Variants in NRROS observed in about 807,000 individuals in gnomAD.
NRROS encodes negative regulator of reactive oxygen species, also known as transforming growth factor beta activator LRRC33.
In NRROS, 6 loss-of-function variants were observed where a neutral mutation model predicts 12.0. The observed-to-expected ratio is 0.50, with a 90% CI of 0.27 to 0.98. The LOEUF is 0.98. Among genes scored for constraint, NRROS ranks in the 50% least tolerant of loss-of-function variants. The pLI is 0.11. For missense variants in NRROS, 857 were observed against 888.2 expected, an observed-to-expected ratio of 0.96 and a Z score of 0.45; for synonymous variants, 462 against 410.2, an observed-to-expected ratio of 1.13 and a Z score of -1.53.
intron 1 of NRROS, among the ~76,000 whole-genome samples, chr3:196,650,134 A>G (rs964426707): frequency 2.0e-5 from 3 of 152,022 alleles, no homozygotes; most frequent in African/African-American, 7.2e-5. Context: ...CAAAATTCAG[A>G]TCTGAGCTAC....
intron 2 of NRROS, among the ~76,000 whole-genome samples, chr3:196,659,440 T>A (rs990340127): frequency 1.3e-5 from 2 of 151,780 alleles, no homozygotes; most frequent in Non-Finnish European, 2.9e-5. Context: ...CCGGAGTAGC[T>A]GGGATTACAG....
chr3:196,655,637 C>T (rs557231172), intron 2 of NRROS, among the ~76,000 whole-genome samples: 8 of 152,294 alleles, frequency 5.3e-5, no homozygotes, highest in South Asian at 2.1e-4. Context: ...AAGCCTGCCT[C>T]GGAGTTTGTG....
intron 1 of NRROS, among the ~76,000 whole-genome samples, chr3:196,649,352 C>T (rs1387603808): frequency 6.6e-6 from 1 of 152,214 alleles, no homozygotes; most frequent in African/African-American, 2.4e-5. Context: ...TTGTGGAGGC[C>T]TCCATCCGGC....
At chr3:196,652,705 G>A (rs552749219) in intron 1 of NRROS, among the ~76,000 whole-genome samples, 1 of 152,276 alleles carries the variant, frequency 6.6e-6, no homozygotes, top group South Asian at 2.1e-4. Context: ...GTGACACAAG[G>A]CCTGGCTTGC....
rs765330021 is a variant in NRROS at position 196,660,899 on chromosome 3, C to T, written c.1256C>T (p.Pro419Leu). ...LSSNQLLGVPPGLFANARNIT... is the reference protein window; with the variant it reads ...LSSNQLLGVPLGLFANARNIT... The stretch of plus-strand genomic sequence containing the variant: ...TCCAACCAGCTCCTGGGCGTCCCCC[C>T]TGGCCTCTTCGCCAATGCTAGGAAC... The change falls in exon 3 of 3, where the codon CCT (proline) becomes CTT (leucine). Residue 419 changes from proline to leucine, a missense_variant. Coordinates refer to ENST00000328557, the MANE Select transcript of NRROS (RefSeq NM_198565.3). The surrounding 1 kb of genome is among the most constrained non-coding windows in gnomAD (Gnocchi z 7.7). 3.1e-6 allele frequency: 5 copies of T among 1,614,172 alleles called. No individual in the cohort carries two copies. The highest frequency in any genetic ancestry group is 3.4e-6 in the Non-Finnish European group (4 of 1,180,046).
intron 2 of NRROS, among the ~76,000 whole-genome samples, chr3:196,657,394 C>G (rs538267144): frequency 1.3e-4 from 20 of 152,018 alleles, no homozygotes; most frequent in Admixed American, 7.2e-4. Context: ...AGTGAGTCCA[C>G]ACGCAGGGAG....
chr3:196,648,483 C>T (rs187169080), intron 1 of NRROS, among the ~76,000 whole-genome samples: 1 of 152,094 alleles, frequency 6.6e-6, no homozygotes, highest in East Asian at 1.9e-4. Context: ...AATCCAACAT[C>T]CGGCCAAGCT....
chr3:196,654,012 C>A lies in NRROS; in HGVS notation c.-13-515C>A, dbSNP rs973639279. Among the ~76,000 whole-genome samples the A allele has an allele frequency of 6.6e-6, 1 of 152,140 alleles. No homozygotes were observed. The highest frequency in any genetic ancestry group is 2.4e-5 in the African/African-American group (1 of 41,424). Reference sequence around the variant, plus strand: ...CAAATGAGTGAACCAAAGAGATCAACGCTTTTGTAACAGCCCCACATCAGC... The same window carrying A: ...CAAATGAGTGAACCAAAGAGATCAAAGCTTTTGTAACAGCCCCACATCAGC... On this transcript the variant is annotated intron_variant, in intron 1 of 2. Coordinates refer to ENST00000328557, the MANE Select transcript of NRROS (RefSeq NM_198565.3). The surrounding 1 kb of genome is among the most constrained non-coding windows in gnomAD (Gnocchi z 4.4).
At chr3:196,658,351 C>T (rs572521523) in intron 2 of NRROS, among the ~76,000 whole-genome samples, 9 of 152,086 alleles carry the variant, frequency 5.9e-5, no homozygotes, top group Non-Finnish European at 1.2e-4. Flanking sequence ...GAGAGAGAGG[C>T]GGAGGTGACA....
chr3:196,658,179 G>T (rs1356736074), intron 2 of NRROS, among the ~76,000 whole-genome samples: 1 of 152,152 alleles, frequency 6.6e-6, no homozygotes, highest in Non-Finnish European at 1.5e-5. Context: ...TATTTGTACT[G>T]CCAAGGCAAT....
chr3:196,643,383 C>T lies in NRROS; in HGVS notation c.-14+3508C>T, dbSNP rs753425182. 2.6e-5 allele frequency among the ~76,000 whole-genome samples: 4 copies of T among 152,146 alleles called. No individual in the cohort carries two copies. The East Asian group carries it at 5.8e-4, about 22-fold the overall frequency. ...ATGGTCCTCACCCACGAGGTGGGCG[C>T]GAGGAGCAGGCTGGTACTGGATAGG... is the stretch of plus-strand genomic sequence containing the variant. On this transcript the variant is annotated intron_variant, in intron 1 of 2. Transcript: ENST00000328557.
chr3:196,648,360 G>T (rs1737349815), intron 1 of NRROS, among the ~76,000 whole-genome samples: 1 of 152,124 alleles, frequency 6.6e-6, no homozygotes, highest in Non-Finnish European at 1.5e-5. Flanking sequence ...ATAACCACAG[G>T]CTTGTTATCC....
chr3:196,649,033 T>C (rs993879194), intron 1 of NRROS, among the ~76,000 whole-genome samples: 8 of 152,140 alleles, frequency 5.3e-5, no homozygotes, highest in African/African-American at 1.9e-4. Flanking sequence ...CAGTACCCTG[T>C]TTCCTAAGTC....
intron 1 of NRROS, among the ~76,000 whole-genome samples, chr3:196,650,398 C>T (rs1737401201): frequency 6.6e-6 from 1 of 152,200 alleles, no homozygotes; most frequent in South Asian, 2.1e-4. Context: ...CCTGCCTCGG[C>T]CTCCCAAAGT....
chr3:196,659,089 T>C (rs192330775), intron 2 of NRROS, among the ~76,000 whole-genome samples: 99 of 152,320 alleles, frequency 6.5e-4, no homozygotes, highest in Non-Finnish European at 1.3e-3. Context: ...CCTGCACGTG[T>C]GCTTTCTGCA....
chr3:196,642,518 A>G (rs922322653), intron 1 of NRROS, among the ~76,000 whole-genome samples: 4 of 152,128 alleles, frequency 2.6e-5, no homozygotes, highest in Non-Finnish European at 5.9e-5. Context: ...TTGGCATCTG[A>G]AACAGAAAGA....
chr3:196,659,674 A>G, intron 2 of NRROS, 78 bp from the exon 3 acceptor site: 2 of 1,436,554 alleles, frequency 1.4e-6, no homozygotes, highest in Non-Finnish European at 1.9e-6. Flanking sequence ...GGACAGTCTG[A>G]TAAGTGAACT....
intron 1 of NRROS, among the ~76,000 whole-genome samples, chr3:196,650,162 T>C (rs1487370139): frequency 6.6e-6 from 1 of 152,236 alleles, no homozygotes; most frequent in African/African-American, 2.4e-5. Flanking sequence ...CATTTCTTTT[T>C]TTAGAGACAG....
chr3:196,649,512 C>T (rs1163714250), intron 1 of NRROS, among the ~76,000 whole-genome samples: 1 of 152,182 alleles, frequency 6.6e-6, no homozygotes, highest in Non-Finnish European at 1.5e-5. Flanking sequence ...CGCTCTGTCG[C>T]CCAGGCTGGA....
Sources: gnomAD v4.1 joint callset for allele counts (sites outside exome capture counted in the v4.1 genomes callset) on GRCh38, gnomAD v4.1.1 for gene constraint, Gnocchi (gnomAD v3.1) non-coding constraint, MANE v1.5 for transcripts, NCBI Gene and HGNC (gene_info 2026-07-23, HGNC 2026-07-21) for gene names.